Variants in PARD3 observed in about 807,000 individuals in gnomAD.
PARD3 encodes the protein partitioning defective 3 homolog.
PARD3 carries 75 observed loss-of-function variants against 155.4 expected under a neutral mutation model. The ratio of observed to expected loss-of-function variants is 0.48; its 90% CI spans 0.40 to 0.58. The LOEUF is 0.58. Among genes scored for constraint, PARD3 ranks in the 20% least tolerant of loss-of-function variants. The pLI is 0.00. For missense variants in PARD3, 1,642 were observed against 1,721.7 expected (o/e 0.95, Z 0.82); for synonymous variants, 576 against 610.5 (o/e 0.94, Z 0.83).
At chr10:34,343,736 C>A in intron 15 of PARD3, 1 of 984,842 alleles carries the variant, frequency 1.0e-6, no homozygotes, top group Non-Finnish European at 1.2e-6. Flanking sequence ...AAATGTGAAA[C>A]CTTCTATGAC....
intron 1 of PARD3, among the ~76,000 whole-genome samples, chr10:34,807,776 AT>A (rs1443712343): frequency 3.3e-5 from 5 of 151,830 alleles, no homozygotes; most frequent in African/African-American, 1.2e-4. Context: ...GGTGAAAAAA[AT>A]AAATAATTGA....
At chr10:34,248,251 A>G (rs1954083249) in intron 22 of PARD3, among the ~76,000 whole-genome samples, 1 of 151,070 alleles carries the variant, frequency 6.6e-6, no homozygotes. Flanking sequence ...CCTTGTCCAT[A>G]TGGTAAAAAA....
At chr10:34,287,355 C>A (rs1242897323) in intron 20 of PARD3, among the ~76,000 whole-genome samples, 2 of 151,906 alleles carry the variant, frequency 1.3e-5, no homozygotes, top group Non-Finnish European at 2.9e-5. Flanking sequence ...TGTTGACTTA[C>A]TGATTTTTAA....
chr10:34,264,351 A>T (rs112885102), intron 22 of PARD3, among the ~76,000 whole-genome samples: 84 of 152,358 alleles, frequency 5.5e-4, no homozygotes, highest in Non-Finnish European at 8.7e-4. Flanking sequence ...TTTTCAACTT[A>T]CAATGAGCTT....
At chr10:34,710,181 A>T (rs1292900739) in intron 1 of PARD3, among the ~76,000 whole-genome samples, 1 of 152,204 alleles carries the variant, frequency 6.6e-6, no homozygotes, top group Non-Finnish European at 1.5e-5. Flanking sequence ...TAAAAACAGG[A>T]AACAGGTTGA....
At chr10:34,247,657 A>T (rs897271784) in intron 22 of PARD3, among the ~76,000 whole-genome samples, 2 of 152,096 alleles carry the variant, frequency 1.3e-5, no homozygotes, top group South Asian at 4.1e-4. Context: ...GAAAGATACA[A>T]ATATTTTGAT....
intron 2 of PARD3, among the ~76,000 whole-genome samples, chr10:34,582,556 A>T (rs2087589336): frequency 6.6e-6 from 1 of 152,174 alleles, no homozygotes; most frequent in Admixed American, 6.5e-5. Context: ...TCTTATATAT[A>T]TCTCCACATA....
chr10:34,215,729 A>G (rs537389912), intron 22 of PARD3, among the ~76,000 whole-genome samples: 2 of 152,260 alleles, frequency 1.3e-5, no homozygotes, highest in Non-Finnish European at 2.9e-5. Flanking sequence ...AAGGAAAGCC[A>G]TATTTCCTTT....
intron 2 of PARD3, among the ~76,000 whole-genome samples, chr10:34,530,023 C>T (rs1328805149): frequency 6.6e-6 from 1 of 152,130 alleles, no homozygotes; most frequent in East Asian, 1.9e-4. Context: ...GCCTAAGCCA[C>T]CATGCCTGGC....
At chr10:34,586,120 C>T (rs1049630077) in intron 2 of PARD3, among the ~76,000 whole-genome samples, 9 of 151,648 alleles carry the variant, frequency 5.9e-5, no homozygotes, top group Non-Finnish European at 1.2e-4. Flanking sequence ...TACTTTAATG[C>T]AGATTAGTTT....
At chr10:34,745,968 G>T (rs998856466) in intron 1 of PARD3, among the ~76,000 whole-genome samples, 3 of 152,102 alleles carry the variant, frequency 2.0e-5, no homozygotes, top group African/African-American at 7.2e-5. Flanking sequence ...CGGGCATGGT[G>T]GCGAGCGCCT....
rs1451114879 is a variant in PARD3, at chr10:34,671,359, AC to A, written c.222+24958del. On this transcript the variant is annotated intron_variant, in intron 2 of 24. Transcript: ENST00000374788. ...TTGGTAGGGAAAAATAAAGTGATGCACGCAAGTCAAACTTTCCCATTAAATA... is the reference window on the plus strand; with the variant it reads ...TTGGTAGGGAAAAATAAAGTGATGCAGCAAGTCAAACTTTCCCATTAAATA... 2.0e-5 allele frequency among the ~76,000 whole-genome samples: 3 copies of A among 152,358 alleles called. No individual in the cohort carries two copies. The East Asian group carries it at 5.8e-4, about 29-fold the overall frequency.
chr10:34,315,865 T>C (rs986551012), intron 20 of PARD3, among the ~76,000 whole-genome samples: 3 of 152,324 alleles, frequency 2.0e-5, no homozygotes, highest in Middle Eastern at 3.4e-3. Flanking sequence ...TCTAATCACA[T>C]TGAAAGAAAA....
chr10:34,125,128 G>A (rs1048931028), intron 23 of PARD3, among the ~76,000 whole-genome samples: 6 of 150,028 alleles, frequency 4.0e-5, no homozygotes, highest in African/African-American at 1.0e-4. Flanking sequence ...GTGCAATGGC[G>A]TGATCTTGGC....
intron 2 of PARD3, among the ~76,000 whole-genome samples, chr10:34,610,676 G>C (rs1398581184): frequency 1.3e-5 from 2 of 152,154 alleles, no homozygotes; most frequent in Non-Finnish European, 2.9e-5. Flanking sequence ...TATATATAAT[G>C]TGGTTGCTGA....
intron 22 of PARD3, among the ~76,000 whole-genome samples, chr10:34,179,153 C>T (rs1026500743): frequency 1.6e-4 from 24 of 146,430 alleles, no homozygotes; most frequent in African/African-American, 4.5e-4. Flanking sequence ...ATTTATAGCA[C>T]GCATGTGCGT....
intron 22 of PARD3, among the ~76,000 whole-genome samples, chr10:34,225,344 T>A (rs975188264): frequency 6.8e-6 from 1 of 147,204 alleles, no homozygotes; most frequent in African/African-American, 2.7e-5. Context: ...ACTAGTTTTT[T>A]TTCTCTTTTT....
intron 1 of PARD3, 44 bp from the exon 2 acceptor site, chr10:34,696,463 AC>A (rs2094174600): frequency 1.0e-5 from 12 of 1,166,058 alleles, no homozygotes; most frequent in Non-Finnish European, 1.4e-5. Flanking sequence ...AGTTAGCATC[AC>A]CAAAAGGGAA....
At chr10:34,616,778 A>C (rs917080922) in intron 2 of PARD3, among the ~76,000 whole-genome samples, 1 of 151,984 alleles carries the variant, frequency 6.6e-6, no homozygotes, top group Non-Finnish European at 1.5e-5. Flanking sequence ...ATCTCTACCA[A>C]AAAAACAAAA....
Sources: gnomAD v4.1 joint callset for allele counts (sites outside exome capture counted in the v4.1 genomes callset) on GRCh38, gnomAD v4.1.1 for gene constraint, MANE v1.5 for transcripts, NCBI Gene and HGNC (gene_info 2026-07-23, HGNC 2026-07-21) for gene names.